Variants in ZEB1 observed in about 807,000 individuals in gnomAD.
ZEB1 encodes zinc finger E-box binding homeobox 1.
ZEB1 carries 21 observed loss-of-function variants against 84.9 expected under a neutral mutation model. The observed-to-expected ratio is 0.25, with a 90% CI of 0.18 to 0.36. ZEB1 has a LOEUF of 0.36. Ranked by LOEUF, ZEB1 falls within the 10% of genes least tolerant of loss-of-function variation. The probability of loss-of-function intolerance (pLI) is 1.00; values close to 1 mark genes in which losing one functional copy is unlikely to be tolerated. For missense variants in ZEB1, 1,104 were observed against 1,330.2 expected (o/e 0.83, Z 2.65); for synonymous variants, 420 against 471.1 (o/e 0.89, Z 1.41).
chr10:31,345,303 C>T (rs532743172), intron 1 of ZEB1, among the ~76,000 whole-genome samples: 5 of 151,826 alleles, frequency 3.3e-5, no homozygotes, highest in African/African-American at 4.8e-5. Context: ...TTGGCAGGGG[C>T]GGGGGTTGTA....
intron 1 of ZEB1, among the ~76,000 whole-genome samples, chr10:31,324,144 A>C (rs2034883924): frequency 6.6e-6 from 1 of 152,046 alleles, no homozygotes; most frequent in South Asian, 2.1e-4. Flanking sequence ...AGCATGGAGC[A>C]AAACTTAAAG....
At chr10:31,486,915 T>C (rs569098274) in intron 2 of ZEB1, among the ~76,000 whole-genome samples, 1 of 151,680 alleles carries the variant, frequency 6.6e-6, no homozygotes, top group East Asian at 1.9e-4. Context: ...TTAGGGCTTG[T>C]TGTATTTTGA....
chr10:31,392,753 A>G (rs190986258), intron 1 of ZEB1, among the ~76,000 whole-genome samples: 1 of 151,864 alleles, frequency 6.6e-6, no homozygotes, highest in East Asian at 1.9e-4. Context: ...GTAGAAAACA[A>G]GGCAACTTGG....
At chr10:31,444,828 A>G (rs2059548070) in intron 1 of ZEB1, among the ~76,000 whole-genome samples, 1 of 151,476 alleles carries the variant, frequency 6.6e-6, no homozygotes, top group Non-Finnish European at 1.5e-5. Flanking sequence ...CTTGTAGTAT[A>G]GTTTGAAGTC....
chr10:31,498,046 CT>C (rs1220783579), intron 3 of ZEB1, among the ~76,000 whole-genome samples: 6 of 151,884 alleles, frequency 4.0e-5, no homozygotes, highest in African/African-American at 4.8e-5. Context: ...TAATTCTATA[CT>C]TTGTCAATTT....
At chr10:31,414,319 A>C (rs161252) in intron 1 of ZEB1, among the ~76,000 whole-genome samples, 11,968 of 152,182 alleles carry the variant, frequency 0.079, 669 homozygotes, top group African/African-American at 0.16. Flanking sequence ...TAATGAAAAA[A>C]ATTAAATGCA....
At chr10:31,387,814 A>G in intron 1 of ZEB1, 2 of 958,126 alleles carry the variant, frequency 2.1e-6, no homozygotes, top group Non-Finnish European at 2.5e-6. Flanking sequence ...TAATCATAAA[A>G]TTTTTTATGT....
intron 2 of ZEB1, among the ~76,000 whole-genome samples, chr10:31,466,678 C>T (rs1434825217): frequency 6.6e-6 from 1 of 152,042 alleles, no homozygotes. Context: ...AAATAAACAA[C>T]TTAATATTGG....
intron 2 of ZEB1, among the ~76,000 whole-genome samples, chr10:31,485,050 G>A (rs1434111512): frequency 6.6e-6 from 1 of 151,830 alleles, no homozygotes; most frequent in Non-Finnish European, 1.5e-5. Context: ...TCCTCAAATA[G>A]TGAATTGGAT....
chr10:31,476,502 A>G (rs1307515759), intron 2 of ZEB1, among the ~76,000 whole-genome samples: 5 of 152,200 alleles, frequency 3.3e-5, no homozygotes, highest in South Asian at 4.1e-4. Context: ...GCCCAGGACC[A>G]GAGAGATTTA....
At chr10:31,443,862 G>A (rs1031947531) in intron 1 of ZEB1, among the ~76,000 whole-genome samples, 39 of 151,214 alleles carry the variant, frequency 2.6e-4, no homozygotes, top group South Asian at 1.7e-3. Flanking sequence ...GAATAGTGCC[G>A]CAATAAACAT....
intron 1 of ZEB1, chr10:31,360,999 G>A (rs1267810600): frequency 1.2e-6 from 2 of 1,607,688 alleles, no homozygotes; most frequent in East Asian, 4.5e-5. Flanking sequence ...AGATGGTACA[G>A]GCGCTTTACA....
chr10:31,330,308 T>C (rs2036477202), intron 1 of ZEB1, among the ~76,000 whole-genome samples: 1 of 152,202 alleles, frequency 6.6e-6, no homozygotes, highest in African/African-American at 2.4e-5. Flanking sequence ...ACACAAGTCC[T>C]ACTTCCCTGG....
In ZEB1 at chr10:31,461,053, TGTGGTA is replaced by T. The variant is rs769959360; in HGVS notation, c.77_82del (p.Val26_Val27del). The T allele has an allele frequency of 3.2e-5, 51 of 1,612,786 alleles. 1 individual carries two copies. The highest frequency in any genetic ancestry group is 4.2e-5 in the Non-Finnish European group (50 of 1,179,194). ...GTATTACAGTTACAAATTATAATACTGTGGTAGAAACAAATTCAGATTCAGATGATG... is the reference window on the plus strand; with the variant it reads ...GTATTACAGTTACAAATTATAATACTGAAACAAATTCAGATTCAGATGATG... On this transcript the variant is annotated inframe_deletion, in exon 2 of 9. Transcript: ENST00000424869.
At chr10:31,503,238 G>A (rs528900028) in intron 4 of ZEB1, among the ~76,000 whole-genome samples, 32 of 152,120 alleles carry the variant, frequency 2.1e-4, no homozygotes, top group Middle Eastern at 6.8e-3. Flanking sequence ...AGTTTGTCAG[G>A]TCCATACAGT....
At chr10:31,470,593 T>A (rs2063094274) in intron 2 of ZEB1, among the ~76,000 whole-genome samples, 1 of 139,634 alleles carries the variant, frequency 7.2e-6, no homozygotes, top group Non-Finnish European at 1.6e-5. Flanking sequence ...CTGATTGGTG[T>A]ACCTGAAAGT....
At chr10:31,485,791 A>G (rs1001834489) in intron 2 of ZEB1, among the ~76,000 whole-genome samples, 1 of 151,954 alleles carries the variant, frequency 6.6e-6, no homozygotes, top group Middle Eastern at 3.4e-3. Context: ...ACACACAAAC[A>G]GACACACACA....
At chr10:31,392,635 T>G (rs1473465364) in intron 1 of ZEB1, among the ~76,000 whole-genome samples, 1 of 152,078 alleles carries the variant, frequency 6.6e-6, no homozygotes, top group Admixed American at 6.5e-5. Context: ...TACTAACCAG[T>G]AAAGTCTGCC....
At chr10:31,454,775 G>A (rs2060998922) in intron 1 of ZEB1, among the ~76,000 whole-genome samples, 1 of 152,120 alleles carries the variant, frequency 6.6e-6, no homozygotes, top group Non-Finnish European at 1.5e-5. Flanking sequence ...CACAACAAAT[G>A]GAAAAACATT....
Sources: gnomAD v4.1 joint callset for allele counts (sites outside exome capture counted in the v4.1 genomes callset) on GRCh38, gnomAD v4.1.1 for gene constraint, MANE v1.5 for transcripts, NCBI Gene and HGNC (gene_info 2026-07-23, HGNC 2026-07-21) for gene names.